SLC39A11: variants seen among roughly 807,000 people sequenced by gnomAD.
SLC39A11 encodes solute carrier family 39 member 11, also known as zinc transporter ZIP11.
SLC39A11 carries 33 observed loss-of-function variants against 36.1 expected under a neutral mutation model. That is an observed-to-expected ratio of 0.91 (90% CI 0.69 to 1.22). SLC39A11 has a LOEUF of 1.22. Ranked by LOEUF, SLC39A11 falls within the 50% of genes most tolerant of loss-of-function variation. SLC39A11 has a pLI of 0.00. For missense variants in SLC39A11, 432 were observed against 430.3 expected (o/e 1.00, Z -0.03); for synonymous variants, 166 against 170.3 (o/e 0.97, Z 0.20).
intron 6 of SLC39A11, among the ~76,000 whole-genome samples, chr17:72,834,326 A>G (rs1214898428): frequency 1.3e-5 from 2 of 152,232 alleles, no homozygotes; most frequent in African/African-American, 4.8e-5. Flanking sequence ...CAGCAAGTCT[A>G]AAAGATCTTA....
chr17:72,756,542 A>AAT (rs1186712253), intron 6 of SLC39A11, among the ~76,000 whole-genome samples: 3 of 152,380 alleles, frequency 2.0e-5, no homozygotes, highest in South Asian at 4.1e-4. Flanking sequence ...CAAAAAGACG[A>AAT]ATACTATATG....
At chr17:73,031,341 G>A (rs543119568) in intron 4 of SLC39A11, among the ~76,000 whole-genome samples, 75 of 152,044 alleles carry the variant, frequency 4.9e-4, no homozygotes, top group Non-Finnish European at 7.5e-4. Flanking sequence ...TTCAAAATCC[G>A]AACTTACTAA....
chr17:72,953,011 C>A (rs2085974745), intron 4 of SLC39A11, among the ~76,000 whole-genome samples: 1 of 152,136 alleles, frequency 6.6e-6, no homozygotes, highest in South Asian at 2.1e-4. Flanking sequence ...CAAGGTCACC[C>A]CCTCTCCTTC....
rs1334262146 is a variant in SLC39A11, at chr17:72,664,818, CTCCAT to C, written c.672-15555_672-15551del. ...TTATCTTCTCTCCATTCTCTCTTCT[CTCCAT>C]TCTTTTCTCCCTCCATTCTCTTCTT... On this transcript the variant is annotated intron_variant, in intron 7 of 9. Transcript: ENST00000255559. Among the ~76,000 whole-genome samples the C allele has an allele frequency of 5.3e-5, 8 of 152,202 alleles. No individual in the cohort carries two copies. The East Asian group carries it at 1.2e-3, about 22-fold the overall frequency.
intron 6 of SLC39A11, among the ~76,000 whole-genome samples, chr17:72,796,308 CCA>C (rs895703270): frequency 6.6e-6 from 1 of 152,152 alleles, no homozygotes; most frequent in Admixed American, 6.5e-5. Flanking sequence ...GGCTTCAAAT[CCA>C]CACACTCCCA....
chr17:73,029,511 G>T (rs2058672661), intron 4 of SLC39A11, among the ~76,000 whole-genome samples: 1 of 152,058 alleles, frequency 6.6e-6, no homozygotes, highest in Non-Finnish European at 1.5e-5. Context: ...AGGGCCACTG[G>T]ACGCCACTAC....
chr17:72,914,793 G>A (rs1054867176), intron 5 of SLC39A11, among the ~76,000 whole-genome samples: 5 of 151,840 alleles, frequency 3.3e-5, no homozygotes, highest in African/African-American at 4.8e-5. Context: ...ACTTGAACTC[G>A]GGAGGCGGAG....
chr17:73,047,981 AAAAAAAAAAATATATATATATAT>A (rs2059356938), intron 3 of SLC39A11, among the ~76,000 whole-genome samples: 1 of 53,948 alleles, frequency 1.9e-5, no homozygotes, highest in African/African-American at 6.2e-5. Context: ...AAAAAAAAAA[AAAAAAAAAAATATATATATATAT>A]ATATATATAT....
intron 3 of SLC39A11, among the ~76,000 whole-genome samples, chr17:73,065,507 C>A (rs2059972377): frequency 6.6e-6 from 1 of 152,168 alleles, no homozygotes; most frequent in African/African-American, 2.4e-5. Flanking sequence ...CTCTTCCCTG[C>A]CTCTTCCAAT....
intron 2 of SLC39A11, among the ~76,000 whole-genome samples, chr17:73,086,019 C>A (rs137879786): frequency 6.6e-6 from 1 of 152,048 alleles, no homozygotes; most frequent in Non-Finnish European, 1.5e-5. Context: ...CAGAACAGTA[C>A]GTACTATATG....
intron 4 of SLC39A11, among the ~76,000 whole-genome samples, chr17:72,974,616 C>T (rs1026953821): frequency 1.3e-5 from 2 of 152,124 alleles, no homozygotes; most frequent in African/African-American, 2.4e-5. Context: ...AAAAATGTTA[C>T]AGTAAGTTAA....
chr17:72,949,982 C>G (rs1041701024), intron 4 of SLC39A11, among the ~76,000 whole-genome samples: 10 of 150,424 alleles, frequency 6.6e-5, no homozygotes, highest in African/African-American at 2.4e-4. Flanking sequence ...CACACACACA[C>G]ACACACACAC....
chr17:73,067,440 A>G (rs1419528242), intron 3 of SLC39A11, among the ~76,000 whole-genome samples: 4 of 152,220 alleles, frequency 2.6e-5, no homozygotes. Context: ...GTGAGCCAAA[A>G]AGGAGTCTAG....
At chr17:73,029,117 CACACACA>C (rs1568151850) in intron 4 of SLC39A11, among the ~76,000 whole-genome samples, 1 of 39,466 alleles carries the variant, frequency 2.5e-5, no homozygotes. Flanking sequence ...GACGCCGTCA[CACACACA>C]CAAAAAAAAA....
intron 7 of SLC39A11, among the ~76,000 whole-genome samples, chr17:72,689,334 TG>T (rs1278381569): frequency 2.6e-5 from 4 of 152,240 alleles, no homozygotes; most frequent in Admixed American, 6.5e-5. Flanking sequence ...AGCGTTCAGC[TG>T]GGTCTATGTG....
At chr17:72,843,178 G>A (rs1052022661) in intron 6 of SLC39A11, among the ~76,000 whole-genome samples, 1 of 152,134 alleles carries the variant, frequency 6.6e-6, no homozygotes, top group African/African-American at 2.4e-5. Context: ...TCTATCTCCT[G>A]ACCTCGTGAT....
intron 7 of SLC39A11, among the ~76,000 whole-genome samples, chr17:72,722,800 A>G (rs564397358): frequency 3.9e-5 from 6 of 152,020 alleles, no homozygotes; most frequent in Admixed American, 3.9e-4. Flanking sequence ...AAGCCTGGCT[A>G]ATTTTTGTAT....
chr17:72,788,055 C>A (rs1366099777), intron 6 of SLC39A11, among the ~76,000 whole-genome samples: 1 of 152,202 alleles, frequency 6.6e-6, no homozygotes, highest in African/African-American at 2.4e-5. Context: ...CCACTGAATC[C>A]TCAACACCTC....
chr17:72,848,014 T>C (rs917757032), intron 6 of SLC39A11, among the ~76,000 whole-genome samples: 17 of 152,332 alleles, frequency 1.1e-4, no homozygotes, highest in South Asian at 6.2e-4. Context: ...TGGGTCAGCA[T>C]GTTTAAGATC....
Sources: gnomAD v4.1 joint callset for allele counts (sites outside exome capture counted in the v4.1 genomes callset) on GRCh38, gnomAD v4.1.1 for gene constraint, MANE v1.5 for transcripts, NCBI Gene and HGNC (gene_info 2026-07-23, HGNC 2026-07-21) for gene names.